The following KCNAB1 variants were observed in gnomAD, a reference collection of about 807,000 sequenced individuals.
KCNAB1 encodes potassium voltage-gated channel subfamily A regulatory beta subunit 1, also known as voltage-gated potassium channel subunit beta-1.
KCNAB1 carries 35 observed loss-of-function variants against 64.6 expected under a neutral mutation model. That is an observed-to-expected ratio of 0.54 (90% confidence interval 0.41 to 0.72). The LOEUF is 0.72. KCNAB1 is among the 30% of genes least tolerant of loss of function. KCNAB1 has a pLI of 0.00. For missense variants in KCNAB1, 401 were observed against 512.9 expected (o/e 0.78, Z 2.11); for synonymous variants, 177 against 183.8 (o/e 0.96, Z 0.30).
At chr3:156,130,238 T>C (rs932673864) in intron 1 of KCNAB1, among the ~76,000 whole-genome samples, 1 of 152,240 alleles carries the variant, frequency 6.6e-6, no homozygotes, top group African/African-American at 2.4e-5. Context: ...GCACTGGACA[T>C]GGGCTCTACG....
At chr3:156,143,346 T>C (rs565077923) in intron 1 of KCNAB1, 1 of 1,611,604 alleles carries the variant, frequency 6.2e-7, no homozygotes, top group Non-Finnish European at 8.5e-7. Flanking sequence ...AACAGAAATA[T>C]GTGGAAAAGT....
intron 11 of KCNAB1, among the ~76,000 whole-genome samples, chr3:156,521,738 T>C (rs1281385138): frequency 6.6e-6 from 1 of 152,182 alleles, no homozygotes; most frequent in East Asian, 1.9e-4. Context: ...AAGCCTCATC[T>C]CCTATCTCTG....
intron 1 of KCNAB1, among the ~76,000 whole-genome samples, chr3:156,217,624 C>A (rs1715408503): frequency 6.6e-6 from 1 of 152,174 alleles, no homozygotes; most frequent in Non-Finnish European, 1.5e-5. Context: ...AGCTTATTTT[C>A]TTCTTGTCAT....
At chr3:156,369,546 T>G (rs1378449011) in intron 1 of KCNAB1, among the ~76,000 whole-genome samples, 1 of 152,182 alleles carries the variant, frequency 6.6e-6, no homozygotes, top group Non-Finnish European at 1.5e-5. Context: ...TGCAAATATG[T>G]TTTTTAAAGG....
At chr3:156,315,648 C>G (rs1722224189) in intron 1 of KCNAB1, among the ~76,000 whole-genome samples, 1 of 151,922 alleles carries the variant, frequency 6.6e-6, no homozygotes, top group Non-Finnish European at 1.5e-5. Context: ...TGTATCTCAA[C>G]TATAGCATAA....
intron 1 of KCNAB1, among the ~76,000 whole-genome samples, chr3:156,343,679 C>A (rs765777004): frequency 1.2e-4 from 18 of 152,296 alleles, no homozygotes; most frequent in South Asian, 2.1e-4. Context: ...TCAAAAGCAT[C>A]ATGGTTTAGG....
intron 1 of KCNAB1, among the ~76,000 whole-genome samples, chr3:156,124,819 T>C (rs897730322): frequency 1.2e-4 from 19 of 152,084 alleles, no homozygotes; most frequent in Non-Finnish European, 2.2e-4. Context: ...TTTCTTTGAC[T>C]GCAAAAGGGT....
At chr3:156,373,133 C>T (rs551873373) in intron 1 of KCNAB1, among the ~76,000 whole-genome samples, 1 of 152,366 alleles carries the variant, frequency 6.6e-6, no homozygotes, top group African/African-American at 2.4e-5. Context: ...AAAACACAGG[C>T]AGCTCTGAGC....
chr3:156,278,383 ATGT>A (rs983926423), intron 1 of KCNAB1, among the ~76,000 whole-genome samples: 2 of 152,178 alleles, frequency 1.3e-5, no homozygotes, highest in African/African-American at 4.8e-5. Flanking sequence ...ATAAATGTTT[ATGT>A]AACTCCACCT....
intron 1 of KCNAB1, among the ~76,000 whole-genome samples, chr3:156,370,183 A>G (rs75569257): frequency 1.4e-3 from 220 of 152,308 alleles, no homozygotes; most frequent in African/African-American, 4.8e-3. Context: ...TTGAGCTTCA[A>G]CTGGATCACT....
At chr3:156,194,649 A>G (rs1479333007) in intron 1 of KCNAB1, among the ~76,000 whole-genome samples, 2 of 151,908 alleles carry the variant, frequency 1.3e-5, no homozygotes, top group African/African-American at 4.8e-5. Context: ...CCATTCCATT[A>G]TTTTTTCAAT....
chr3:156,486,981 C>G (rs1715266189), intron 8 of KCNAB1, among the ~76,000 whole-genome samples: 1 of 151,988 alleles, frequency 6.6e-6, no homozygotes, highest in African/African-American at 2.4e-5. Context: ...TGTTAAGGAC[C>G]AGTAGGAGAT....
chr3:156,447,761 C>T (rs1711681124), intron 2 of KCNAB1, among the ~76,000 whole-genome samples: 1 of 152,008 alleles, frequency 6.6e-6, no homozygotes, highest in African/African-American at 2.4e-5. Context: ...TGCTTAAGAT[C>T]CTGGAAGAGA....
intron 1 of KCNAB1, among the ~76,000 whole-genome samples, chr3:156,320,893 A>G (rs573102215): frequency 1.9e-3 from 292 of 150,894 alleles, no homozygotes; most frequent in African/African-American, 7.0e-3. Context: ...GGCCCAGCAC[A>G]AGTGCTTGCT....
rs199734624 is a variant in KCNAB1 at position 156,205,196 on chromosome 3, AT to A, written c.275+84314del. ...TTCCAAGTTTCCTTTCTCAAGCTTA[AT>A]TTTCATAGATTGAGCTATATTGGTT... On this transcript the variant is annotated intron_variant, in intron 1 of 13. Transcript: ENST00000490337. Among the ~76,000 whole-genome samples, 4 of 152,252 alleles carry A rather than the reference AT, an allele frequency of 2.6e-5. No individual in the cohort carries two copies. The East Asian group carries it at 5.8e-4, about 22-fold the overall frequency.
At chr3:156,410,592 A>G (rs1714578098) in intron 1 of KCNAB1, among the ~76,000 whole-genome samples, 1 of 152,190 alleles carries the variant, frequency 6.6e-6, no homozygotes, top group Non-Finnish European at 1.5e-5. Context: ...GAACAGTTCC[A>G]TGAGCCCTCA....
chr3:156,333,936 T>C (rs1723512346), intron 1 of KCNAB1, among the ~76,000 whole-genome samples: 1 of 137,132 alleles, frequency 7.3e-6, no homozygotes, highest in Non-Finnish European at 1.5e-5. Flanking sequence ...TGTTGATGTG[T>C]TTGCGCTCTT....
intron 1 of KCNAB1, among the ~76,000 whole-genome samples, chr3:156,259,011 T>C (rs1223376672): frequency 6.6e-6 from 1 of 152,230 alleles, no homozygotes; most frequent in African/African-American, 2.4e-5. Flanking sequence ...GTTGTCTCTC[T>C]TTCAAATGTC....
At chr3:156,380,546 T>C (rs994354421) in intron 1 of KCNAB1, among the ~76,000 whole-genome samples, 2 of 152,150 alleles carry the variant, frequency 1.3e-5, no homozygotes, top group Non-Finnish European at 2.9e-5. Flanking sequence ...AGAGCACTTA[T>C]CAGGTAGATT....
Sources: allele counts gnomAD v4.1 joint callset (sites outside exome capture counted in the v4.1 genomes callset), GRCh38; gene constraint gnomAD v4.1.1; transcripts MANE v1.5; gene names NCBI Gene and HGNC (gene_info 2026-07-23, HGNC 2026-07-21).